SHISA6: variants seen among roughly 807,000 people sequenced by gnomAD.
The protein encoded by SHISA6 is shisa family member 6.
SHISA6 carries 22 observed loss-of-function variants against 47.9 expected under a neutral mutation model. That is an observed-to-expected ratio of 0.46 (90% CI 0.33 to 0.66). SHISA6 has a LOEUF of 0.66. SHISA6 is among the 30% of genes least tolerant of loss of function. The pLI, the probability that SHISA6 is intolerant of heterozygous loss-of-function variation, is 0.02. For missense variants in SHISA6, 680 were observed against 764.6 expected (o/e 0.89, Z 1.30); for synonymous variants, 388 against 337.8 (o/e 1.15, Z -1.63).
intron 3 of SHISA6, among the ~76,000 whole-genome samples, chr17:11,486,047 A>AG (rs1491371519): frequency 1.3e-4 from 20 of 151,882 alleles, no homozygotes; most frequent in Non-Finnish European, 2.4e-4. Context: ...AGAAGCAAAC[A>AG]GGGGGAGTTT....
chr17:11,396,775 G>A (rs1913584863), intron 3 of SHISA6, among the ~76,000 whole-genome samples: 1 of 152,110 alleles, frequency 6.6e-6, no homozygotes, highest in Non-Finnish European at 1.5e-5. Context: ...AGAGCATTAG[G>A]ACAAATACCT....
chr17:11,279,745 A>G (rs1223098452), intron 2 of SHISA6, among the ~76,000 whole-genome samples: 7 of 152,020 alleles, frequency 4.6e-5, no homozygotes, highest in Non-Finnish European at 7.4e-5. Context: ...CCACCCTTCT[A>G]TTATTTTTTA....
intron 2 of SHISA6, among the ~76,000 whole-genome samples, chr17:11,369,875 G>T (rs1256333735): frequency 6.6e-6 from 1 of 152,190 alleles, no homozygotes; most frequent in Non-Finnish European, 1.5e-5. Context: ...CCCTGAAATA[G>T]AACTCAGCCT....
At chr17:11,336,850 T>G (rs1911338863) in intron 2 of SHISA6, among the ~76,000 whole-genome samples, 1 of 152,198 alleles carries the variant, frequency 6.6e-6, no homozygotes, top group Non-Finnish European at 1.5e-5. Flanking sequence ...AGAAAGTCAT[T>G]AAGCAGACCT....
intron 2 of SHISA6, among the ~76,000 whole-genome samples, chr17:11,275,374 A>C (rs896438346): frequency 6.6e-6 from 1 of 152,146 alleles, no homozygotes; most frequent in African/African-American, 2.4e-5. Flanking sequence ...ATAGTTCATT[A>C]GCAGCACCTT....
chr17:11,263,239 C>A, intron 1 of SHISA6, 127 bp from the exon 2 acceptor site: 1 of 992,138 alleles, frequency 1.0e-6, no homozygotes, highest in Non-Finnish European at 1.5e-6. Flanking sequence ...CTATTGAGAG[C>A]TGAATGCTGT....
At chr17:11,465,739 T>C (rs1915794613) in intron 3 of SHISA6, among the ~76,000 whole-genome samples, 1 of 152,224 alleles carries the variant, frequency 6.6e-6, no homozygotes, top group South Asian at 2.1e-4. Context: ...GGGGTGATGC[T>C]GCTTCAAGGC....
intron 3 of SHISA6, among the ~76,000 whole-genome samples, chr17:11,417,261 T>C (rs1186626086): frequency 6.6e-6 from 1 of 152,178 alleles, no homozygotes; most frequent in African/African-American, 2.4e-5. Context: ...AAATTATTAA[T>C]GAACAAAACA....
intron 3 of SHISA6, among the ~76,000 whole-genome samples, chr17:11,431,258 C>T (rs1914763694): frequency 6.6e-6 from 1 of 152,164 alleles, no homozygotes; most frequent in South Asian, 2.1e-4. Flanking sequence ...GTCCAGAATT[C>T]CTAGGTGGAT....
chr17:11,492,185 C>A (rs2071367725), intron 3 of SHISA6, among the ~76,000 whole-genome samples: 1 of 152,062 alleles, frequency 6.6e-6, no homozygotes, highest in African/African-American at 2.4e-5. Context: ...CCAGGAACAC[C>A]CAGTCAAAGA....
At chr17:11,521,662 G>C (rs967624593) in intron 3 of SHISA6, among the ~76,000 whole-genome samples, 3 of 152,020 alleles carry the variant, frequency 2.0e-5, no homozygotes, top group Non-Finnish European at 2.9e-5. Flanking sequence ...AATTAGCCAG[G>C]CAGAATGGCA....
intron 3 of SHISA6, among the ~76,000 whole-genome samples, chr17:11,478,320 GC>G (rs1916115542): frequency 1.0e-5 from 1 of 98,762 alleles, no homozygotes; most frequent in African/African-American, 4.1e-5. Context: ...CTGGATATTA[GC>G]CCTTTGTCAG....
chr17:11,499,998 G>A (rs2071438659), intron 3 of SHISA6, among the ~76,000 whole-genome samples: 1 of 152,172 alleles, frequency 6.6e-6, no homozygotes, highest in Non-Finnish European at 1.5e-5. Flanking sequence ...CATCGTGCCT[G>A]GCCTTGTCCC....
chr17:11,443,567 A>C (rs1915149210), intron 3 of SHISA6, among the ~76,000 whole-genome samples: 1 of 152,196 alleles, frequency 6.6e-6, no homozygotes, highest in African/African-American at 2.4e-5. Context: ...CAAGTTAGAT[A>C]CACTTTTTGT....
chr17:11,292,036 A>G (rs538921614), intron 2 of SHISA6, among the ~76,000 whole-genome samples: 1 of 152,182 alleles, frequency 6.6e-6, no homozygotes, highest in Non-Finnish European at 1.5e-5. Flanking sequence ...GAGAACACTG[A>G]AAGTCTACTG....
intron 2 of SHISA6, among the ~76,000 whole-genome samples, chr17:11,327,923 C>G (rs954982797): frequency 2.2e-5 from 2 of 92,728 alleles, no homozygotes; most frequent in Non-Finnish European, 4.3e-5. Context: ...CTCTCTCTGT[C>G]TCTCTCTCTC....
chr17:11,558,298 C>G lies in SHISA6; in HGVS notation c.1650C>G (p.Thr550=), dbSNP rs919386586. ...TCYTASKTEV[T]V is the part of the protein sequence containing the mutation. ...ACACAGCCAGCAAGACCGAAGTGAC[C>G]GTGTGACCGGCGGGGCAGGGCCGGG... Residue 550 remains threonine, a synonymous_variant, in exon 6 of 6, where the codon ACC becomes ACG. Transcript: ENST00000441885. 6.5e-7 allele frequency: 1 copy of G among 1,537,688 alleles called. No homozygotes were observed. Among genetic ancestry groups the G allele is most frequent in the Non-Finnish European group, 8.7e-7 (1 of 1,146,334 alleles).
At chr17:11,469,049 A>G (rs982368576) in intron 3 of SHISA6, among the ~76,000 whole-genome samples, 11 of 135,210 alleles carry the variant, frequency 8.1e-5, no homozygotes, top group African/African-American at 2.9e-4. Flanking sequence ...AAAAAAAAAG[A>G]TAAGTCTTTG....
intron 2 of SHISA6, chr17:11,289,733 A>G (rs1018241636): frequency 3.3e-5 from 5 of 152,074 alleles, no homozygotes; most frequent in Admixed American, 6.6e-5. Flanking sequence ...TTATTGGCAT[A>G]GAGCTGCAAA....
Sources: gnomAD v4.1 joint callset for allele counts (sites outside exome capture counted in the v4.1 genomes callset) on GRCh38, gnomAD v4.1.1 for gene constraint, MANE v1.5 for transcripts, NCBI Gene and HGNC (gene_info 2026-07-23, HGNC 2026-07-21) for gene names.